Variants in PIEZO1 observed in about 807,000 individuals in gnomAD.
The protein encoded by PIEZO1 is piezo type mechanosensitive ion channel component 1 (Er blood group), also known as piezo-type mechanosensitive ion channel component 1.
In PIEZO1, 296 loss-of-function variants were observed where a neutral mutation model predicts 297.2. The ratio of observed to expected loss-of-function variants is 1.00; its 90% CI spans 0.91 to 1.10. The LOEUF is 1.10. PIEZO1 is among the 50% of genes least tolerant of loss of function. The probability of loss-of-function intolerance (pLI) is 0.00; values close to 1 mark genes in which losing one functional copy is unlikely to be tolerated. For missense variants in PIEZO1, 5,018 were observed against 3,455.5 expected (o/e 1.45, Z -11.34); for synonymous variants, 2,427 against 1,507.5 (o/e 1.61, Z -14.13).
chr16:88,731,633 C>A, intron 22 of PIEZO1, 73 bp downstream of exon 22: 1 of 1,180,262 alleles, frequency 8.5e-7, no homozygotes. Context: ...GAGTCTGGGG[C>A]AGGCGGGAAA....
rs936895386 is a variant in PIEZO1, at chr16:88,785,047, C to T, written c.-83G>A. 5 of 808,538 alleles carry T rather than the reference C, an allele frequency of 6.2e-6. No homozygotes were observed. Among genetic ancestry groups the T allele is most frequent in the Non-Finnish European group, 8.1e-6 (5 of 618,800 alleles). 50.1% of individuals were successfully genotyped at this position (808,538 alleles called of 1,614,324 possible). ...GTGCGGGGGCCCCGGGGCCGGCGCG[C>T]CATGGCTGACCCGCGGGGACCCGCG... On this transcript the variant is annotated 5_prime_UTR_variant, in exon 1 of 51. Transcript: ENST00000301015.
chr16:88,736,985 T>C (rs1333993691), intron 10 of PIEZO1: 1 of 411,494 alleles, frequency 2.4e-6, no homozygotes, highest in Non-Finnish European at 4.4e-6. Flanking sequence ...AAGGTGGCCC[T>C]GACCCCCTTT....
At chr16:88,724,640 G>A (rs1904315461) in intron 30 of PIEZO1, among the ~76,000 whole-genome samples, 1 of 152,104 alleles carries the variant, frequency 6.6e-6, no homozygotes, top group Admixed American at 6.5e-5. Context: ...ATTGCAGTGA[G>A]CTGAGATCAT....
intron 22 of PIEZO1, chr16:88,731,282 T>C (rs999255642): frequency 1.9e-5 from 4 of 212,552 alleles, no homozygotes; most frequent in Non-Finnish European, 2.9e-5. Flanking sequence ...CGTTTGACGA[T>C]GGCACTGCCA....
Position 88,716,033 on chromosome 16 carries a change from T to G in PIEZO1, c.7216A>C (p.Ile2406Leu). The G allele has an allele frequency of 6.5e-7, 1 of 1,550,230 alleles. No individual in the cohort carries two copies. The highest frequency in any genetic ancestry group is 8.7e-7 in the Non-Finnish European group (1 of 1,146,924). Residue 2406 changes from isoleucine (I) to leucine (L), a missense_variant, in exon 50 of 51, where the codon ATC becomes CTC. Physicochemically the swap from Ile to Leu is conservative, Grantham distance 5. Transcript: ENST00000301015. ...GATGFLEWWV[I>L]ELQECRTDCN... is the part of the protein sequence containing the mutation. ...TCGGTCCGGCACTCCTGCAGCTCGA[T>G]GACCCACCATTCGAGGAAGCCGGTG...
chr16:88,755,204 C>T (rs551805474), intron 1 of PIEZO1, among the ~76,000 whole-genome samples: 1 of 152,334 alleles, frequency 6.6e-6, no homozygotes, highest in Admixed American at 6.5e-5. Context: ...GGCGAACAGC[C>T]GCCCCCGCCG....
At chr16:88,755,205 G>A (rs1331388813) in intron 1 of PIEZO1, among the ~76,000 whole-genome samples, 1 of 152,174 alleles carries the variant, frequency 6.6e-6, no homozygotes, top group African/African-American at 2.4e-5. Flanking sequence ...GCGAACAGCC[G>A]CCCCCGCCGC....
Position 88,732,454 on chromosome 16 carries a change from G to A in PIEZO1, c.2872C>T (p.Leu958=), listed in dbSNP as rs1402664515. 1.3e-6 allele frequency: 2 copies of A among 1,549,468 alleles called. No homozygotes were observed. Among genetic ancestry groups the A allele is most frequent in the African/African-American group, 1.4e-5 (1 of 73,026 alleles). ...RQEHYRRQHQ[L]APLPAQAVFA... is the part of the protein sequence containing the mutation. ...ACGGCCTGGGCAGGCAGCGGGGCCA[G>A]CTGGTGCTGCCGGCGGTAGTGCTCC... The change falls in exon 21 of 51, where the codon CTG becomes TTG. Residue 958 remains leucine, a synonymous_variant. Coordinates refer to ENST00000301015, the MANE Select transcript of PIEZO1 (RefSeq NM_001142864.4).
intron 27 of PIEZO1, 97 bp from the exon 28 acceptor site, chr16:88,725,781 G>A: frequency 1.4e-6 from 1 of 694,652 alleles, no homozygotes; most frequent in Non-Finnish European, 2.6e-6. Context: ...AGCTCAGCCT[G>A]CTCCTCTCTG....
rs911827789 is a variant in PIEZO1 at position 88,715,570 on chromosome 16, C to A, written c.*35G>T. On this transcript the variant is annotated 3_prime_UTR_variant, in exon 51 of 51. Transcript: ENST00000301015. Reference sequence around the variant, plus strand: ...CCTTGTGGCCACGCTGCCCAGCAGGCCGGCTCCTTCCCTCTCGGGCGCCAG... The same window carrying A: ...CCTTGTGGCCACGCTGCCCAGCAGGACGGCTCCTTCCCTCTCGGGCGCCAG... 11 of 1,539,202 alleles carry A rather than the reference C, an allele frequency of 7.1e-6. No homozygotes were observed. The highest frequency in any genetic ancestry group is 3.5e-6 in the Non-Finnish European group (4 of 1,141,892).
chr16:88,734,355 CCTGTGAGCCCAGCGCGGGAGGCGCGT>C lies in PIEZO1; in HGVS notation c.2155_2180del (p.Thr719AlafsTer49), dbSNP rs1422357273. On this transcript the variant is annotated frameshift_variant and splice_region_variant, in exon 16 of 51. Coordinates refer to ENST00000301015, the MANE Select transcript of PIEZO1 (RefSeq NM_001142864.4). LOFTEE classifies it high-confidence loss of function. ...GCCGGACAGGGAGGGCGGGGCCGCA[CCTGTGAGCCCAGCGCGGGAGGCGCGT>C]GCCAGGCAGGGACACGTGCTCCATG... The C allele has an allele frequency of 2.0e-6, 3 of 1,525,518 alleles. No homozygotes were observed. The highest frequency in any genetic ancestry group is 2.6e-6 in the Non-Finnish European group (3 of 1,133,574). 94.5% of individuals were successfully genotyped at this position (1,525,518 alleles called of 1,614,324 possible). A position where few individuals can be genotyped will look rare whatever the true frequency, so the allele number is the denominator to read the frequency against.
At position 88,766,157 on chromosome 16, in the gene PIEZO1, C is replaced by T. The variant is rs146564310; in HGVS notation, c.65-16678G>A. Reference sequence around the variant, plus strand: ...GGCCACGCTGCCCAGTTTAGTCAAACGCCAATCGCAATTTGGTGTGCAGGT... The same window carrying T: ...GGCCACGCTGCCCAGTTTAGTCAAATGCCAATCGCAATTTGGTGTGCAGGT... On this transcript the variant is annotated intron_variant, in intron 1 of 50. Transcript: ENST00000301015. Among the ~76,000 whole-genome samples, 348 of 152,306 alleles carry T rather than the reference C, an allele frequency of 2.3e-3. 1 individual carries two copies. Among genetic ancestry groups the T allele is most frequent in the African/African-American group, 7.5e-3 (311 of 41,560 alleles).
At chr16:88,732,783 G>A (rs1412716501) in intron 19 of PIEZO1, 51 bp from the exon 20 acceptor site, 1 of 1,482,362 alleles carries the variant, frequency 6.7e-7, no homozygotes, top group Non-Finnish European at 9.0e-7. Flanking sequence ...AGTGCCCCCT[G>A]GCCCTGCCCG....
In PIEZO1 at chr16:88,738,051, C is replaced by T. The variant is rs982900909; in HGVS notation, c.903G>A (p.Ala301=). Residue 301 remains alanine (A), a synonymous_variant, in exon 8 of 51, where the codon GCG becomes GCA. Coordinates refer to ENST00000301015, the MANE Select transcript of PIEZO1 (RefSeq NM_001142864.4). ...VGPTNCSSPH[A]LVLNTGLDWP... ...AGTCCAGGCCGGTGTTGAGGACCAG[C>T]GCGTGGGGGCTGGAGCAGTTGGTGG... 43 of 1,535,676 alleles carry T rather than the reference C, an allele frequency of 2.8e-5. No individual in the cohort carries two copies. The highest frequency in any genetic ancestry group is 3.9e-5 in the Admixed American group (2 of 50,976).
intron 21 of PIEZO1, 44 bp from the exon 22 acceptor site, chr16:88,731,954 G>GGGGGGGGGGCGT (rs1904862577): frequency 3.1e-6 from 1 of 324,994 alleles, no homozygotes; most frequent in African/African-American, 2.2e-5. Flanking sequence ...ACTGAGTCTG[G>GGGGGGGGGGCGT]GGGGAGGGAC....
chr16:88,769,172 T>G (rs1907310034), intron 1 of PIEZO1, among the ~76,000 whole-genome samples: 1 of 152,186 alleles, frequency 6.6e-6, no homozygotes, highest in East Asian at 1.9e-4. Context: ...AAAATTCTAC[T>G]CACATTTCAA....
chr16:88,738,603 C>T lies in PIEZO1; in HGVS notation c.599G>A (p.Gly200Glu). 6.5e-7 allele frequency: 1 copy of T among 1,535,608 alleles called. No individual in the cohort carries two copies. The highest frequency in any genetic ancestry group is 8.7e-7 in the Non-Finnish European group (1 of 1,146,720). The change falls in exon 6 of 51, where the codon GGG (glycine) becomes GAG (glutamate). Residue 200 changes from glycine to glutamate, a missense_variant. Gly to Glu is a moderately conservative substitution (Grantham distance 98, BLOSUM62 -2). Transcript: ENST00000301015. The part of the protein sequence containing the change: ...VTAHWLLVAA[G>E]RVLAVTLLAL... Reference sequence around the variant, plus strand: ...AAGCAGTGTTACGGCCAGGACCCGCCCAGCCGCCACCAGCAGCCAGTGGGC... The same window carrying T: ...AAGCAGTGTTACGGCCAGGACCCGCTCAGCCGCCACCAGCAGCCAGTGGGC...
intron 1 of PIEZO1, among the ~76,000 whole-genome samples, chr16:88,779,661 C>T (rs917756171): frequency 2.6e-5 from 4 of 152,206 alleles, no homozygotes; most frequent in Non-Finnish European, 4.4e-5. Context: ...GGGCTGCAGA[C>T]ACCCCTGGGG....
Position 88,716,903 on chromosome 16 carries a change from G to C in PIEZO1, c.6661-5C>G, listed in dbSNP as rs1912082193. The C allele has an allele frequency of 3.2e-6, 5 of 1,549,448 alleles. No homozygotes were observed. Among genetic ancestry groups the C allele is most frequent in the Non-Finnish European group, 4.4e-6 (5 of 1,146,866 alleles). On this transcript the variant is annotated splice_region_variant and splice_polypyrimidine_tract_variant and intron_variant, in intron 45 of 50. Transcript: ENST00000301015. ...GGCGCTCATGGTGAACAGCGGCTGG[G>C]GCAGGCACGGGGACACGGGGCCACG...
Sources: gnomAD v4.1 joint callset for allele counts (sites outside exome capture counted in the v4.1 genomes callset) on GRCh38, gnomAD v4.1.1 for gene constraint, MANE v1.5 for transcripts, NCBI Gene and HGNC (gene_info 2026-07-23, HGNC 2026-07-21) for gene names.